Variants in ATP2A1 observed in about 807,000 individuals in gnomAD.
The protein encoded by ATP2A1 is ATPase sarcoplasmic/endoplasmic reticulum Ca2+ transporting 1.
ATP2A1 carries 83 observed loss-of-function variants against 109.5 expected under a neutral mutation model. The observed-to-expected ratio is 0.76, with a 90% CI of 0.63 to 0.91. ATP2A1 has a LOEUF of 0.91. Ranked by LOEUF, ATP2A1 falls within the 40% of genes least tolerant of loss-of-function variation. The pLI, the probability that ATP2A1 is intolerant of heterozygous loss-of-function variation, is 0.00. For synonymous variants in ATP2A1, 505 were observed against 537.6 expected (o/e 0.94, Z 0.84); for missense variants, 1,101 against 1,341.0 (o/e 0.82, Z 2.80).
At position 28,894,860 on chromosome 16, in the gene ATP2A1, GA is replaced by G; in HGVS notation, c.1327del (p.Thr443GlnfsTer10). Reference protein sequence around the residue: ...VYEKVGEATETALTTLVEKMN... With the variant: ...VYEKVGEATEXALTTLVEKMN... Reference sequence around the variant, plus strand: ...ATGAGAAGGTCGGCGAGGCCACCGAGACAGCACTCACCACCCTGGTGGAGAA... The same window carrying G: ...ATGAGAAGGTCGGCGAGGCCACCGAGCAGCACTCACCACCCTGGTGGAGAA... On this transcript the variant is annotated frameshift_variant, in exon 12 of 23. Transcript: ENST00000395503. LOFTEE classifies it high-confidence loss of function. 1.2e-6 allele frequency: 2 copies of G among 1,611,680 alleles called. No homozygotes were observed. The highest frequency in any genetic ancestry group is 1.7e-6 in the Non-Finnish European group (2 of 1,179,868).
chr16:28,878,651 G>A lies in ATP2A1; in HGVS notation c.-21G>A, dbSNP rs761092868. Reference sequence around the variant, plus strand: ...CCCCTGGAAGGAACACACCGGCCCCGGCCCCCAGGAAGGGAGCACAATGGA... The same window carrying A: ...CCCCTGGAAGGAACACACCGGCCCCAGCCCCCAGGAAGGGAGCACAATGGA... On this transcript the variant is annotated 5_prime_UTR_variant, in exon 1 of 23. Coordinates refer to ENST00000395503, the MANE Select transcript of ATP2A1 (RefSeq NM_004320.6). 8.3e-6 allele frequency: 13 copies of A among 1,575,530 alleles called. No homozygotes were observed. Among genetic ancestry groups the A allele is most frequent in the South Asian group, 3.4e-5 (3 of 87,272 alleles).
chr16:28,889,800 C>G (rs370354373), intron 9 of ATP2A1, among the ~76,000 whole-genome samples: 2 of 152,166 alleles, frequency 1.3e-5, no homozygotes, highest in African/African-American at 4.8e-5. Context: ...GTGCCTCACA[C>G]CCCTTTGCAG....
rs1484794775 is a variant in ATP2A1 at position 28,902,296 on chromosome 16, C to T, written c.2434C>T (p.Pro812Ser). ...LPATALGFNP[P>S]DLDIMDRPPR... Reference sequence around the variant, plus strand: ...AGCCACAGCCCTGGGCTTCAACCCACCAGACCTGGACATCATGGACCGCCC... The same window carrying T: ...AGCCACAGCCCTGGGCTTCAACCCATCAGACCTGGACATCATGGACCGCCC... The change falls in exon 17 of 23, where the codon CCA becomes TCA. Residue 812 changes from proline (P) to serine (S), a missense_variant. By Grantham distance (74) the Pro-to-Ser change is moderately conservative. Coordinates refer to ENST00000395503, the MANE Select transcript of ATP2A1 (RefSeq NM_004320.6). The surrounding 1 kb of genome is among the most constrained non-coding windows in gnomAD (Gnocchi z 4.8). 5 of 1,614,026 alleles carry T rather than the reference C, an allele frequency of 3.1e-6. No homozygotes were observed. Among genetic ancestry groups the T allele is most frequent in the Admixed American group, 1.7e-5 (1 of 59,998 alleles).
In ATP2A1 at chr16:28,902,323, C is replaced by G; in HGVS notation, c.2461C>G (p.Pro821Ala). 7 of 1,614,158 alleles carry G rather than the reference C, an allele frequency of 4.3e-6. No homozygotes were observed. Among genetic ancestry groups the G allele is most frequent in the Non-Finnish European group, 5.9e-6 (7 of 1,179,998 alleles). The part of the protein sequence containing the change: ...PPDLDIMDRP[P>A]RSPKEPLISG... ...AGACCTGGACATCATGGACCGCCCC[C>G]CCCGGAGCCCCAAGGAGCCCCTCAT... Residue 821 changes from proline to alanine, a missense_variant, in exon 17 of 23, where the codon CCC (proline) becomes GCC (alanine). Coordinates refer to ENST00000395503, the MANE Select transcript of ATP2A1 (RefSeq NM_004320.6). This position sits in a 1 kb window ranked among gnomAD's most constrained non-coding sequence, Gnocchi z 4.8.
chr16:28,899,954 G>A (rs1447578828), intron 14 of ATP2A1, among the ~76,000 whole-genome samples: 1 of 143,724 alleles, frequency 7.0e-6, no homozygotes, highest in Non-Finnish European at 1.5e-5. Context: ...GACAGAGCAA[G>A]AGTCCATCTC....
In ATP2A1 at chr16:28,901,857, CCT is replaced by C. The variant is rs1046132610; in HGVS notation, c.2101-4_2101-3del. ...GCCCTAAGCCCACCTTCTCCTCCTCCCTCAGACAGGTGATGGCGTCAATGACG... is the reference window on the plus strand; with the variant it reads ...GCCCTAAGCCCACCTTCTCCTCCTCCCAGACAGGTGATGGCGTCAATGACG... On this transcript the variant is annotated splice_region_variant and splice_polypyrimidine_tract_variant and intron_variant, in intron 15 of 22. Transcript: ENST00000395503. 6.2e-7 allele frequency: 1 copy of C among 1,613,096 alleles called. No individual in the cohort carries two copies. The highest frequency in any genetic ancestry group is 1.3e-5 in the African/African-American group (1 of 74,936).
chr16:28,879,889 C>G (rs972106597), intron 3 of ATP2A1: 1 of 687,844 alleles, frequency 1.5e-6, no homozygotes, highest in South Asian at 3.9e-5. Flanking sequence ...CTCCGGGTCC[C>G]GCCGCGATGC....
chr16:28,895,374 C>G (rs991197441), intron 12 of ATP2A1, among the ~76,000 whole-genome samples: 3 of 152,160 alleles, frequency 2.0e-5, no homozygotes, highest in African/African-American at 7.2e-5. Flanking sequence ...CCCAGATGAA[C>G]CCGGCCACTT....
At chr16:28,888,084 A>C (rs925043676) in intron 8 of ATP2A1, among the ~76,000 whole-genome samples, 1 of 151,652 alleles carries the variant, frequency 6.6e-6, no homozygotes. Flanking sequence ...TACAGGCGTG[A>C]GCCACCGCAC....
rs1354531703 is a variant in ATP2A1 at position 28,898,736 on chromosome 16, C to T, written c.1764+285C>T. Among the ~76,000 whole-genome samples, 1 of 117,872 alleles carries T rather than the reference C, an allele frequency of 8.5e-6. No individual in the cohort carries two copies. Among genetic ancestry groups the T allele is most frequent in the African/African-American group, 2.9e-5 (1 of 34,786 alleles). 77.3% of individuals were successfully genotyped at this position (117,872 alleles called of 152,430 possible). On this transcript the variant is annotated intron_variant, in intron 14 of 22. Coordinates refer to ENST00000395503, the MANE Select transcript of ATP2A1 (RefSeq NM_004320.6). The surrounding 1 kb of genome is among the most constrained non-coding windows in gnomAD (Gnocchi z 4.0). ...CTGGGCAATGAAGTGAGAACCCCAT[C>T]TCTATTAAAAAAAAAATTTTTTTAA...
chr16:28,888,083 G>C (rs528924610), intron 8 of ATP2A1, among the ~76,000 whole-genome samples: 9 of 152,048 alleles, frequency 5.9e-5, no homozygotes, highest in Non-Finnish European at 1.2e-4. Flanking sequence ...TTACAGGCGT[G>C]AGCCACCGCA....
chr16:28,894,996 T>C (rs764684061), intron 12 of ATP2A1, 43 bp downstream of exon 12: 15 of 1,605,960 alleles, frequency 9.3e-6, no homozygotes, highest in East Asian at 6.7e-5. Context: ...CTCCACTCTA[T>C]GCTGCATAGA....
At chr16:28,892,416 G>C in intron 9 of ATP2A1, 1 of 346,738 alleles carries the variant, frequency 2.9e-6, no homozygotes, top group South Asian at 2.3e-5. Flanking sequence ...AGCAAGGGCT[G>C]TGTGGTCAGA....
rs117350233 is a variant in ATP2A1 at position 28,894,527 on chromosome 16, C to G, written c.1207C>G (p.Arg403Gly). 1.2e-6 allele frequency: 2 copies of G among 1,614,072 alleles called. No homozygotes were observed. The highest frequency in any genetic ancestry group is 1.7e-6 in the Non-Finnish European group (2 of 1,180,034). ...GEVLKNDKPV[R>G]PGQYDGLVEL... ...CAGCTTGAAGAATGATAAGCCAGTC[C>G]GGCCAGGGCAGTATGACGGGCTGGT... The change falls in exon 11 of 23, where the codon CGG (arginine) becomes GGG (glycine). Residue 403 changes from arginine (R) to glycine (G), a missense_variant. Transcript: ENST00000395503.
chr16:28,888,767 C>T lies in ATP2A1; in HGVS notation c.929-20C>T. ...CCCTCCCCTTGCAGGTTCCCTCACA[C>T]CCTCCCTCCCTCCCCACAGGTCTTC... is the stretch of plus-strand genomic sequence containing the variant. On this transcript the variant is annotated intron_variant, in intron 8 of 22. Transcript: ENST00000395503. 2.5e-6 allele frequency: 4 copies of T among 1,600,340 alleles called. No homozygotes were observed. Among genetic ancestry groups the T allele is most frequent in the Non-Finnish European group, 2.6e-6 (3 of 1,170,442 alleles).
intron 6 of ATP2A1, 106 bp from the exon 7 acceptor site, chr16:28,887,083 G>A (rs1034023096): frequency 3.4e-6 from 4 of 1,180,796 alleles, no homozygotes; most frequent in South Asian, 2.5e-5. Flanking sequence ...ATGGCTACTT[G>A]GTCCTTACCA....
chr16:28,903,860 C>T lies in ATP2A1; in HGVS notation c.*37+119C>T. ...CTCGCAGCTCCACCTGGAGCCGTTGCCACTGCTGCTGCTGCGCTTCCAGTC... is the reference window on the plus strand; with the variant it reads ...CTCGCAGCTCCACCTGGAGCCGTTGTCACTGCTGCTGCTGCGCTTCCAGTC... On this transcript the variant is annotated intron_variant, in intron 22 of 22. Coordinates refer to ENST00000395503, the MANE Select transcript of ATP2A1 (RefSeq NM_004320.6). The surrounding 1 kb of genome is among the most constrained non-coding windows in gnomAD (Gnocchi z 5.6). 9.9e-7 allele frequency: 1 copy of T among 1,007,466 alleles called. No homozygotes were observed. Among genetic ancestry groups the T allele is most frequent in the Non-Finnish European group, 1.6e-6 (1 of 641,424 alleles). The allele number at this position is 1,007,466 out of a possible 1,614,324, so 62.4% of individuals were successfully genotyped here.
At position 28,884,601 on chromosome 16, in the gene ATP2A1, C is replaced by G; in HGVS notation, c.490C>G (p.Arg164Gly). The G allele has an allele frequency of 1.2e-6, 2 of 1,613,816 alleles. No homozygotes were observed. The highest frequency in any genetic ancestry group is 8.5e-7 in the Non-Finnish European group (1 of 1,179,982). ...GGGGGACAAAGTCCCTGCAGACATC[C>G]GAATCCTCGCCATCAAATCCACCAC... is the stretch of plus-strand genomic sequence containing the variant. ...AVGDKVPADI[R>G]ILAIKSTTLR... Residue 164 changes from arginine (R) to glycine (G), a missense_variant, in exon 6 of 23, where the codon CGA (arginine) becomes GGA (glycine). By Grantham distance (125) the Arg-to-Gly change is moderately radical. Coordinates refer to ENST00000395503, the MANE Select transcript of ATP2A1 (RefSeq NM_004320.6).
In ATP2A1 at chr16:28,880,113, AT is replaced by A; in HGVS notation, c.219+531del. On this transcript the variant is annotated intron_variant, in intron 3 of 22. Coordinates refer to ENST00000395503, the MANE Select transcript of ATP2A1 (RefSeq NM_004320.6). The surrounding 1 kb of genome is among the most constrained non-coding windows in gnomAD (Gnocchi z 4.2). The stretch of plus-strand genomic sequence containing the variant: ...GCGCCCGGTCAGGGAGGGCACTGGC[AT>A]CCCTCATTACCCGCCCAGCCTGGCC... 2 of 996,408 alleles carry A rather than the reference AT, an allele frequency of 2.0e-6. No homozygotes were observed. Among genetic ancestry groups the A allele is most frequent in the Admixed American group, 1.2e-4 (2 of 16,528 alleles). The allele number at this position is 996,408 out of a possible 1,614,324, so 61.7% of individuals were successfully genotyped here.
Sources: gnomAD v4.1 joint callset for allele counts (sites outside exome capture counted in the v4.1 genomes callset) on GRCh38, gnomAD v4.1.1 for gene constraint, Gnocchi (gnomAD v3.1) non-coding constraint, MANE v1.5 for transcripts, NCBI Gene and HGNC (gene_info 2026-07-23, HGNC 2026-07-21) for gene names.